Variants in ANKFN1 observed in about 807,000 individuals in gnomAD.
The protein encoded by ANKFN1 is ankyrin repeat and fibronectin type III domain containing 1.
ANKFN1 carries 74 observed loss-of-function variants against 108.7 expected under a neutral mutation model. The ratio of observed to expected loss-of-function variants is 0.68; its 90% CI spans 0.56 to 0.83. The LOEUF (loss-of-function observed/expected upper bound fraction) is 0.83, where lower values mean the gene tolerates loss of function less well. ANKFN1 is among the 40% of genes least tolerant of loss of function. The pLI is 0.00. For synonymous variants in ANKFN1, 547 were observed against 516.2 expected, an observed-to-expected ratio of 1.06 and a Z score of -0.81; for missense variants, 1,505 against 1,382.3, an observed-to-expected ratio of 1.09 and a Z score of -1.41.
chr17:56,349,731 A>G (rs2046198506), intron 4 of ANKFN1, among the ~76,000 whole-genome samples: 1 of 152,176 alleles, frequency 6.6e-6, no homozygotes, highest in South Asian at 2.1e-4. Context: ...GTACTAAATT[A>G]TCACATATAC....
chr17:56,062,470 C>G (rs1411384958), intron 4 of ANKFN1, among the ~76,000 whole-genome samples: 1 of 151,804 alleles, frequency 6.6e-6, no homozygotes, highest in African/African-American at 2.4e-5. Flanking sequence ...GAATTGTTCC[C>G]TTTACCATTA....
chr17:56,202,046 C>G (rs1340214884), intron 1 of ANKFN1, among the ~76,000 whole-genome samples: 13 of 152,304 alleles, frequency 8.5e-5, no homozygotes, highest in South Asian at 2.1e-4. Flanking sequence ...CAGAAATGTC[C>G]TATCTTCCCC....
At chr17:56,275,538 T>TG (rs2043905415) in intron 3 of ANKFN1, among the ~76,000 whole-genome samples, 4 of 152,302 alleles carry the variant, frequency 2.6e-5, no homozygotes, top group Admixed American at 2.6e-4. Context: ...TTAAGTGTGA[T>TG]GGTATTAAGG....
At chr17:56,123,385 A>C (rs1906735629) in intron 4 of ANKFN1, among the ~76,000 whole-genome samples, 1 of 152,164 alleles carries the variant, frequency 6.6e-6, no homozygotes, top group African/African-American at 2.4e-5. Flanking sequence ...CTTGAAGATG[A>C]TGGGGAGGGC....
At chr17:56,065,789 A>G (rs1905050829) in intron 4 of ANKFN1, among the ~76,000 whole-genome samples, 1 of 151,706 alleles carries the variant, frequency 6.6e-6, no homozygotes, top group Non-Finnish European at 1.5e-5. Flanking sequence ...CACTGATTGT[A>G]GGTCACCATA....
intron 4 of ANKFN1, among the ~76,000 whole-genome samples, chr17:56,047,999 C>T (rs561504931): frequency 1.3e-5 from 2 of 152,308 alleles, no homozygotes; most frequent in Admixed American, 1.3e-4. Context: ...CCCTTTAGCA[C>T]CTCTGATTTT....
chr17:56,478,521 G>A (rs976321694), intron 16 of ANKFN1, among the ~76,000 whole-genome samples: 5 of 152,056 alleles, frequency 3.3e-5, no homozygotes, highest in African/African-American at 7.2e-5. Flanking sequence ...AACAAGGCCC[G>A]AGCTTCTGGA....
chr17:56,444,394 G>A (rs983110172), intron 10 of ANKFN1, among the ~76,000 whole-genome samples: 2 of 151,930 alleles, frequency 1.3e-5, no homozygotes, highest in South Asian at 4.2e-4. Flanking sequence ...ATGAGATTAT[G>A]GTCTCTTTTA....
intron 4 of ANKFN1, among the ~76,000 whole-genome samples, chr17:56,328,343 T>C (rs2045577323): frequency 6.6e-6 from 1 of 152,174 alleles, no homozygotes; most frequent in South Asian, 2.1e-4. Flanking sequence ...CCCCCCAAAA[T>C]TTGTCCCATC....
At chr17:56,204,514 T>G (rs1476368473) in intron 1 of ANKFN1, among the ~76,000 whole-genome samples, 2 of 151,614 alleles carry the variant, frequency 1.3e-5, no homozygotes, top group African/African-American at 4.8e-5. Context: ...CTAATTTTTG[T>G]GTTTTTAGTA....
chr17:56,466,610 G>A (rs200916516), intron 15 of ANKFN1, 39 bp downstream of exon 15: 1 of 1,523,390 alleles, frequency 6.6e-7, no homozygotes. Context: ...TATACTTAAG[G>A]TTCCAAACCC....
At chr17:56,326,441 G>A (rs1359879180) in intron 4 of ANKFN1, 86 bp downstream of exon 4, 1 of 1,489,520 alleles carries the variant, frequency 6.7e-7, no homozygotes, top group East Asian at 2.3e-5. Flanking sequence ...ATATGTTGCT[G>A]TGGCTTAAAT....
chr17:56,133,576 A>C (rs889323207), intron 4 of ANKFN1, among the ~76,000 whole-genome samples: 1 of 146,970 alleles, frequency 6.8e-6, no homozygotes, highest in Non-Finnish European at 1.5e-5. Context: ...GTGTGTGTAC[A>C]CATATCTATA....
intron 8 of ANKFN1, among the ~76,000 whole-genome samples, chr17:56,405,880 T>C (rs1017827982): frequency 2.6e-5 from 4 of 152,090 alleles, no homozygotes; most frequent in African/African-American, 9.7e-5. Context: ...GGAAGATGTA[T>C]AGGACGCTAA....
At chr17:56,261,432 T>C (rs935902508) in intron 3 of ANKFN1, among the ~76,000 whole-genome samples, 2 of 152,246 alleles carry the variant, frequency 1.3e-5, no homozygotes, top group African/African-American at 4.8e-5. Context: ...ACAGGACTAA[T>C]AGGATAAATG....
At chr17:56,277,158 G>A (rs748699607) in intron 3 of ANKFN1, among the ~76,000 whole-genome samples, 8 of 152,180 alleles carry the variant, frequency 5.3e-5, no homozygotes, top group Non-Finnish European at 1.0e-4. Flanking sequence ...TGTTTGGTAT[G>A]TCCAGCTTCT....
intron 1 of ANKFN1, chr17:56,174,120 TG>T (rs1421300439): frequency 2.1e-6 from 2 of 933,594 alleles, no homozygotes; most frequent in African/African-American, 3.6e-5. Flanking sequence ...CTTGACATTG[TG>T]GGTGGTGCAG....
chr17:56,467,791 G>GAAAGAAAGAAGAAAGA (rs11414270), intron 15 of ANKFN1, among the ~76,000 whole-genome samples: 38 of 54,886 alleles, frequency 6.9e-4, no homozygotes, highest in South Asian at 1.5e-3. Context: ...AAGAAAGAAA[G>GAAAGAAAGAAGAAAGA]AAGAAAGAAA....
chr17:56,178,097 T>A (rs1379406148), intron 1 of ANKFN1, among the ~76,000 whole-genome samples: 1 of 152,158 alleles, frequency 6.6e-6, no homozygotes, highest in African/African-American at 2.4e-5. Context: ...TGGAAGTCCA[T>A]ACCAACTTTG....
Sources: allele counts gnomAD v4.1 joint callset (sites outside exome capture counted in the v4.1 genomes callset), GRCh38; gene constraint gnomAD v4.1.1; transcripts MANE v1.5; gene names NCBI Gene and HGNC (gene_info 2026-07-23, HGNC 2026-07-21).